Variants in CNTNAP2 observed in about 807,000 individuals in gnomAD.
The protein encoded by CNTNAP2 is contactin associated protein 2, also known as contactin-associated protein-like 2.
Under a neutral mutation model 155.2 loss-of-function variants are expected in CNTNAP2, and 98 were observed. The observed-to-expected ratio is 0.63, with a 90% CI of 0.54 to 0.75. CNTNAP2 has a LOEUF of 0.75. CNTNAP2 is among the 30% of genes least tolerant of loss of function. The probability of loss-of-function intolerance (pLI) is 0.00; values close to 1 mark genes in which losing one functional copy is unlikely to be tolerated. For synonymous variants in CNTNAP2, 651 were observed against 631.2 expected, an observed-to-expected ratio of 1.03 and a Z score of -0.47; for missense variants, 1,727 against 1,688.1, an observed-to-expected ratio of 1.02 and a Z score of -0.40.
chr7:146,153,003 G>A (rs1798073966), intron 1 of CNTNAP2, among the ~76,000 whole-genome samples: 1 of 152,042 alleles, frequency 6.6e-6, no homozygotes, highest in South Asian at 2.1e-4. Flanking sequence ...ATTTTCTTTG[G>A]CGTAAGTCAC....
At chr7:146,760,408 C>CTTTTTTTTTTT (rs1284570579) in intron 1 of CNTNAP2, among the ~76,000 whole-genome samples, 1 of 78,868 alleles carries the variant, frequency 1.3e-5, no homozygotes, top group Non-Finnish European at 2.3e-5. Flanking sequence ...CTCCAATTTA[C>CTTTTTTTTTTT]CTTTTTTTTT....
At chr7:148,258,789 G>A (rs914771617) in intron 20 of CNTNAP2, among the ~76,000 whole-genome samples, 3 of 151,926 alleles carry the variant, frequency 2.0e-5, no homozygotes, top group Admixed American at 1.3e-4. Context: ...CCAGCATGTT[G>A]GGAGGTTGAG....
chr7:146,248,172 G>A lies in CNTNAP2; in HGVS notation c.97+131199G>A, dbSNP rs1350134643. 8.5e-5 allele frequency among the ~76,000 whole-genome samples: 13 copies of A among 152,124 alleles called. No homozygotes were observed. In the South Asian group the frequency reaches 2.7e-3, roughly 32 times the overall value. On this transcript the variant is annotated intron_variant, in intron 1 of 23. Transcript: ENST00000361727. ...GGGCGCAGAGATATAAGAGGTCCGGGTGCGGAAATAAGGGATCGAGGCGCA... is the reference window on the plus strand; with the variant it reads ...GGGCGCAGAGATATAAGAGGTCCGGATGCGGAAATAAGGGATCGAGGCGCA...
intron 2 of CNTNAP2, among the ~76,000 whole-genome samples, chr7:146,815,953 G>A (rs148895092): frequency 0.011 from 1,612 of 152,032 alleles, 28 homozygotes; most frequent in Middle Eastern, 0.044. Flanking sequence ...GATGATCCCC[G>A]CCCTGTGTCC....
At chr7:146,625,412 C>A (rs1427425157) in intron 1 of CNTNAP2, among the ~76,000 whole-genome samples, 1 of 151,904 alleles carries the variant, frequency 6.6e-6, no homozygotes, top group Admixed American at 6.6e-5. Context: ...AGAAAGGCAT[C>A]CTCTTCTACC....
intron 10 of CNTNAP2, among the ~76,000 whole-genome samples, chr7:147,468,416 G>T (rs1798156966): frequency 6.6e-6 from 1 of 151,956 alleles, no homozygotes; most frequent in African/African-American, 2.4e-5. Context: ...TTAACTATTG[G>T]GTTTCTCCAA....
chr7:147,435,649 G>A (rs1191252309), intron 10 of CNTNAP2, among the ~76,000 whole-genome samples: 2 of 152,186 alleles, frequency 1.3e-5, no homozygotes, highest in Non-Finnish European at 2.9e-5. Flanking sequence ...TAGGCTGCAA[G>A]CCTAGACGCT....
intron 13 of CNTNAP2, among the ~76,000 whole-genome samples, chr7:147,784,933 A>C (rs1176382010): frequency 6.6e-6 from 1 of 152,042 alleles, no homozygotes; most frequent in East Asian, 1.9e-4. Context: ...CAGGGGAAAC[A>C]CCAGGGACGA....
intron 9 of CNTNAP2, among the ~76,000 whole-genome samples, chr7:147,304,932 C>T (rs892242596): frequency 1.6e-4 from 24 of 152,090 alleles, no homozygotes; most frequent in African/African-American, 5.8e-4. Context: ...CTGCAGACAA[C>T]CATTTTGTTA....
At chr7:148,299,075 C>G (rs1044750130) in intron 21 of CNTNAP2, among the ~76,000 whole-genome samples, 1 of 151,854 alleles carries the variant, frequency 6.6e-6, no homozygotes, top group African/African-American at 2.4e-5. Context: ...ACCACAATCT[C>G]TGCCTCCCAG....
intron 16 of CNTNAP2, among the ~76,000 whole-genome samples, chr7:148,131,991 A>AG (rs368800457): frequency 1.6e-4 from 24 of 152,346 alleles, no homozygotes; most frequent in Middle Eastern, 6.8e-3. Context: ...AACAAGTGCT[A>AG]GGTTTCTATA....
chr7:146,927,220 G>T (rs1796626242), intron 3 of CNTNAP2, among the ~76,000 whole-genome samples: 2 of 152,132 alleles, frequency 1.3e-5, no homozygotes, highest in Admixed American at 1.3e-4. Context: ...GAACTGATGA[G>T]TTATAACCTT....
chr7:147,784,739 A>G (rs1432038199), intron 13 of CNTNAP2, among the ~76,000 whole-genome samples: 1 of 151,140 alleles, frequency 6.6e-6, no homozygotes, highest in East Asian at 1.9e-4. Flanking sequence ...GCTGATTGCA[A>G]TGTTAGAACT....
At chr7:146,930,881 G>A (rs571383052) in intron 3 of CNTNAP2, among the ~76,000 whole-genome samples, 1 of 152,136 alleles carries the variant, frequency 6.6e-6, no homozygotes, top group Non-Finnish European at 1.5e-5. Context: ...AACAAGAAGA[G>A]CTAACTATCC....
intron 20 of CNTNAP2, among the ~76,000 whole-genome samples, chr7:148,247,622 T>C (rs916533179): frequency 3.0e-5 from 4 of 135,010 alleles, no homozygotes; most frequent in African/African-American, 9.2e-5. Context: ...TCTCTCTCTC[T>C]CTCTATTTAT....
intron 15 of CNTNAP2, among the ~76,000 whole-genome samples, chr7:148,097,275 A>C (rs1221844685): frequency 6.7e-6 from 1 of 148,644 alleles, no homozygotes; most frequent in Non-Finnish European, 1.5e-5. Flanking sequence ...AGTGCTACCA[A>C]ACTCCTTTCC....
At chr7:147,835,654 C>T (rs1798620841) in intron 13 of CNTNAP2, among the ~76,000 whole-genome samples, 1 of 152,212 alleles carries the variant, frequency 6.6e-6, no homozygotes, top group Admixed American at 6.5e-5. Context: ...TCCAAGTTCT[C>T]ATCCCTGGTA....
intron 14 of CNTNAP2, among the ~76,000 whole-genome samples, chr7:147,934,961 T>C (rs753635638): frequency 2.6e-5 from 4 of 152,248 alleles, no homozygotes; most frequent in Non-Finnish European, 4.4e-5. Flanking sequence ...ATTTATAAGA[T>C]GAGTACAGAG....
intron 15 of CNTNAP2, among the ~76,000 whole-genome samples, chr7:148,005,751 G>T (rs1179815903): frequency 1.3e-5 from 2 of 152,174 alleles, no homozygotes; most frequent in African/African-American, 2.4e-5. Flanking sequence ...CAGCCAGTCA[G>T]CTACTGAGGG....
Sources: allele counts gnomAD v4.1 joint callset (sites outside exome capture counted in the v4.1 genomes callset), GRCh38; gene constraint gnomAD v4.1.1; transcripts MANE v1.5; gene names NCBI Gene and HGNC (gene_info 2026-07-23, HGNC 2026-07-21).